The following RAD51B variants were observed in gnomAD, a reference collection of about 807,000 sequenced individuals.
RAD51B encodes RAD51 paralog B.
In RAD51B, 38 loss-of-function variants were observed where a neutral mutation model predicts 42.2. That is an observed-to-expected ratio of 0.90 (90% confidence interval 0.70 to 1.18). The LOEUF is 1.18. RAD51B is among the 50% of genes most tolerant of loss of function. The pLI is 0.00. For synonymous variants in RAD51B, 154 were observed against 145.2 expected (o/e 1.06, Z -0.43); for missense variants, 373 against 400.7 (o/e 0.93, Z 0.59).
At chr14:67,845,115 A>G (rs192098938) in intron 4 of RAD51B, among the ~76,000 whole-genome samples, 4 of 151,572 alleles carry the variant, frequency 2.6e-5, no homozygotes, top group African/African-American at 9.8e-5. Context: ...CAACGTTAAT[A>G]TTGACATGTG....
chr14:68,228,009 A>G (rs1566743127), intron 7 of RAD51B, among the ~76,000 whole-genome samples: 1 of 152,212 alleles, frequency 6.6e-6, no homozygotes, highest in Non-Finnish European at 1.5e-5. Context: ...TGCATACATT[A>G]TATCTAACTT....
chr14:67,855,973 G>T (rs1377707945), intron 4 of RAD51B, among the ~76,000 whole-genome samples: 1 of 152,184 alleles, frequency 6.6e-6, no homozygotes, highest in African/African-American at 2.4e-5. Flanking sequence ...TTGGACCATT[G>T]TTCCCAATTC....
At chr14:68,170,290 A>G (rs1595504272) in intron 7 of RAD51B, among the ~76,000 whole-genome samples, 1 of 152,154 alleles carries the variant, frequency 6.6e-6, no homozygotes, top group East Asian at 1.9e-4. Flanking sequence ...TATTTCTTTC[A>G]TATCCTTTAA....
intron 7 of RAD51B, among the ~76,000 whole-genome samples, chr14:68,091,610 A>G (rs1229488827): frequency 6.6e-6 from 1 of 152,152 alleles, no homozygotes; most frequent in Admixed American, 6.5e-5. Context: ...CCTTTGTCAG[A>G]TGAGTAGATT....
chr14:67,897,426 A>T (rs2043457975), intron 7 of RAD51B, among the ~76,000 whole-genome samples: 1 of 152,194 alleles, frequency 6.6e-6, no homozygotes, highest in African/African-American at 2.4e-5. Context: ...CAAACAAGAG[A>T]CAATACAATT....
At chr14:67,862,157 G>GTA (rs2042184022) in intron 4 of RAD51B, among the ~76,000 whole-genome samples, 1 of 151,904 alleles carries the variant, frequency 6.6e-6, no homozygotes, top group African/African-American at 2.4e-5. Flanking sequence ...AAAAAGATAA[G>GTA]TATATGAAGT....
At chr14:68,421,544 A>C (rs1478511772) in intron 9 of RAD51B, among the ~76,000 whole-genome samples, 2 of 152,106 alleles carry the variant, frequency 1.3e-5, no homozygotes, top group Non-Finnish European at 2.9e-5. Context: ...CAATCCATCT[A>C]GGCATGGGAG....
At chr14:68,539,407 A>G (rs1887830141) in intron 10 of RAD51B, among the ~76,000 whole-genome samples, 1 of 150,918 alleles carries the variant, frequency 6.6e-6, no homozygotes, top group Non-Finnish European at 1.5e-5. Context: ...AGTCGCCAGC[A>G]CTCCGCCCCC....
At chr14:68,559,630 T>A (rs1889042575) in intron 10 of RAD51B, among the ~76,000 whole-genome samples, 1 of 152,188 alleles carries the variant, frequency 6.6e-6, no homozygotes, top group African/African-American at 2.4e-5. Context: ...TCCACCTGCC[T>A]CAGCCTCCCA....
chr14:68,576,759 A>C (rs1889979748), intron 10 of RAD51B, among the ~76,000 whole-genome samples: 1 of 152,104 alleles, frequency 6.6e-6, no homozygotes, highest in Non-Finnish European at 1.5e-5. Context: ...CAGGGGCATG[A>C]TGTTAGTAAG....
intron 7 of RAD51B, among the ~76,000 whole-genome samples, chr14:68,088,424 T>C (rs538784783): frequency 4.3e-4 from 65 of 152,228 alleles, no homozygotes; most frequent in African/African-American, 1.5e-3. Flanking sequence ...GAGAGTTAGC[T>C]GTTTCAACCT....
At chr14:68,075,527 C>T (rs894788638) in intron 7 of RAD51B, among the ~76,000 whole-genome samples, 4 of 152,094 alleles carry the variant, frequency 2.6e-5, no homozygotes, top group Non-Finnish European at 4.4e-5. Context: ...GACTGGGCTC[C>T]CCTCCACATG....
intron 7 of RAD51B, among the ~76,000 whole-genome samples, chr14:67,910,185 A>G (rs1271203536): frequency 6.6e-6 from 1 of 152,154 alleles, no homozygotes; most frequent in Non-Finnish European, 1.5e-5. Context: ...AGCTGCGTAT[A>G]CGAATATAGC....
intron 4 of RAD51B, among the ~76,000 whole-genome samples, chr14:67,850,603 G>A (rs751930635): frequency 3.3e-5 from 5 of 152,176 alleles, no homozygotes; most frequent in Non-Finnish European, 5.9e-5. Context: ...GTTGTTCCAG[G>A]TGATAGGCTA....
chr14:68,308,723 A>AAAG (rs398025513), intron 8 of RAD51B, among the ~76,000 whole-genome samples: 2 of 148,952 alleles, frequency 1.3e-5, no homozygotes, highest in South Asian at 4.3e-4. Flanking sequence ...AAAAAAAAAA[A>AAAG]GGGCTGTTTG....
rs867148830 is a variant in RAD51B, at chr14:67,871,169, G to A, written c.452+6030G>A. On this transcript the variant is annotated intron_variant, in intron 5 of 10. Transcript: ENST00000471583. ...AGGAGCTGGTTTTTTGAAAGGATCAGCAAAATTGATAGACCGCTAGCAAGA... is the reference window on the plus strand; with the variant it reads ...AGGAGCTGGTTTTTTGAAAGGATCAACAAAATTGATAGACCGCTAGCAAGA... Among the ~76,000 whole-genome samples the A allele has an allele frequency of 7.2e-3, 1,087 of 151,568 alleles. 16 individuals carry two copies. The highest frequency in any genetic ancestry group is 0.025 in the African/African-American group (1,022 of 40,972).
chr14:68,457,360 A>G (rs2085722987), intron 9 of RAD51B, among the ~76,000 whole-genome samples: 1 of 152,208 alleles, frequency 6.6e-6, no homozygotes, highest in Non-Finnish European at 1.5e-5. Context: ...GTGAAAATGA[A>G]AACAAAAATA....
chr14:68,518,461 G>A (rs1346341317), intron 10 of RAD51B, among the ~76,000 whole-genome samples: 1 of 152,156 alleles, frequency 6.6e-6, no homozygotes, highest in Non-Finnish European at 1.5e-5. Flanking sequence ...CTAGTCGGGG[G>A]GCGGGAGGAA....
At chr14:68,202,015 T>C (rs1220834921) in intron 7 of RAD51B, among the ~76,000 whole-genome samples, 4 of 152,184 alleles carry the variant, frequency 2.6e-5, no homozygotes, top group South Asian at 2.1e-4. Flanking sequence ...AACTGAATAT[T>C]GTAATAAAGG....
Sources: allele counts gnomAD v4.1 joint callset (sites outside exome capture counted in the v4.1 genomes callset), GRCh38; gene constraint gnomAD v4.1.1; transcripts MANE v1.5; gene names NCBI Gene and HGNC (gene_info 2026-07-23, HGNC 2026-07-21).